NXPE2: variants seen among roughly 807,000 people sequenced by gnomAD.
NXPE2 encodes the protein neurexophilin and PC-esterase domain family member 2.
Under a neutral mutation model 34.4 loss-of-function variants are expected in NXPE2, and 34 were observed. That is an observed-to-expected ratio of 0.99 (90% CI 0.75 to 1.31). The LOEUF (loss-of-function observed/expected upper bound fraction) is 1.31. Ranked by LOEUF, NXPE2 falls within the 40% of genes most tolerant of loss-of-function variation. NXPE2 has a pLI of 0.00. For missense variants in NXPE2, 649 were observed against 672.5 expected (o/e 0.97, Z 0.39); for synonymous variants, 235 against 231.3 (o/e 1.02, Z -0.15).
chr11:114,612,693 C>A, the NXPE2 span, among the ~76,000 whole-genome samples: 1 of 150,758 alleles, frequency 6.6e-6, no homozygotes, highest in Admixed American at 6.6e-5. Context: ...TGGGTAACAA[C>A]TGTTGCCCTG....
At chr11:114,474,621 T>A in the NXPE2 span, among the ~76,000 whole-genome samples, 1 of 152,102 alleles carries the variant, frequency 6.6e-6, no homozygotes, top group Non-Finnish European at 1.5e-5. Context: ...CAAAGCCTGA[T>A]TGAAATGATT....
chr11:114,678,042 T>C (rs1422305538), upstream of NXPE2, among the ~76,000 whole-genome samples: 5 of 152,114 alleles, frequency 3.3e-5, no homozygotes, highest in African/African-American at 9.7e-5. Flanking sequence ...ATCATCGCTG[T>C]GGGACTGCTT....
the NXPE2 span, among the ~76,000 whole-genome samples, chr11:114,631,408 T>A: frequency 6.6e-6 from 1 of 150,996 alleles, no homozygotes; most frequent in Non-Finnish European, 1.5e-5. Flanking sequence ...TCATTCTCAG[T>A]AAACTATCGC....
At chr11:114,525,841 G>T in the NXPE2 span, among the ~76,000 whole-genome samples, 1 of 152,128 alleles carries the variant, frequency 6.6e-6, no homozygotes, top group African/African-American at 2.4e-5. Flanking sequence ...GTCTTTGTTC[G>T]GGGCTCAGCC....
the NXPE2 span, among the ~76,000 whole-genome samples, chr11:114,648,516 C>G: frequency 2.0e-5 from 3 of 152,080 alleles, no homozygotes; most frequent in African/African-American, 7.2e-5. Context: ...CTAATTTAAA[C>G]GTTAATCTAC....
chr11:114,537,182 G>C, the NXPE2 span, among the ~76,000 whole-genome samples: 27 of 152,122 alleles, frequency 1.8e-4, no homozygotes, highest in South Asian at 8.3e-4. Context: ...ACAAAAACCA[G>C]ATGATTATCT....
the NXPE2 span, among the ~76,000 whole-genome samples, chr11:114,600,321 G>A: frequency 6.6e-6 from 1 of 152,008 alleles, no homozygotes; most frequent in Admixed American, 6.6e-5. Flanking sequence ...TCATTTAAAA[G>A]TCAAAACAAT....
At chr11:114,731,257 T>G in the NXPE2 span, among the ~76,000 whole-genome samples, 1 of 152,178 alleles carries the variant, frequency 6.6e-6, no homozygotes, top group African/African-American at 2.4e-5. Context: ...AGAAACTGGG[T>G]TACTTATACA....
At chr11:114,663,007 A>G in the NXPE2 span, among the ~76,000 whole-genome samples, 1 of 152,166 alleles carries the variant, frequency 6.6e-6, no homozygotes, top group Non-Finnish European at 1.5e-5. Context: ...GAGGTCCCTG[A>G]TTCCAGCACT....
the NXPE2 span, among the ~76,000 whole-genome samples, chr11:114,642,482 T>C: frequency 6.6e-6 from 1 of 152,016 alleles, no homozygotes; most frequent in Non-Finnish European, 1.5e-5. Context: ...GTCCATGTGT[T>C]CTCATTGTTC....
the NXPE2 span, among the ~76,000 whole-genome samples, chr11:114,774,797 T>G: frequency 2.0e-5 from 3 of 152,194 alleles, no homozygotes; most frequent in Non-Finnish European, 2.9e-5. Flanking sequence ...AAGCCTGCGC[T>G]GCCAGTTGCA....
At chr11:114,524,192 G>A in the NXPE2 span, among the ~76,000 whole-genome samples, 3 of 152,186 alleles carry the variant, frequency 2.0e-5, no homozygotes, top group Admixed American at 2.0e-4. Flanking sequence ...TGACCTAGAA[G>A]TTTCCCACTT....
At chr11:114,538,669 A>G in the NXPE2 span, among the ~76,000 whole-genome samples, 1 of 152,232 alleles carries the variant, frequency 6.6e-6, no homozygotes, top group Non-Finnish European at 1.5e-5. Context: ...TGCAGCCAAA[A>G]AACACGTGAA....
At chr11:114,546,457 T>G in the NXPE2 span, among the ~76,000 whole-genome samples, 1 of 132,876 alleles carries the variant, frequency 7.5e-6, no homozygotes, top group East Asian at 2.2e-4. Flanking sequence ...TACATATATA[T>G]ATTTTTTCTT....
chr11:114,681,624 C>A (rs1423084693), intron 2 of NXPE2, among the ~76,000 whole-genome samples: 1 of 152,132 alleles, frequency 6.6e-6, no homozygotes, highest in East Asian at 1.9e-4. Flanking sequence ...CCACTCCCAC[C>A]TCTTAGCATT....
At chr11:114,759,730 T>C in the NXPE2 span, among the ~76,000 whole-genome samples, 2 of 152,222 alleles carry the variant, frequency 1.3e-5, no homozygotes, top group Non-Finnish European at 2.9e-5. Context: ...TTTTTATATT[T>C]TATGTAATTT....
At chr11:114,741,860 G>C in the NXPE2 span, among the ~76,000 whole-genome samples, 1 of 152,104 alleles carries the variant, frequency 6.6e-6, no homozygotes, top group African/African-American at 2.4e-5. Flanking sequence ...ATGATGTCCT[G>C]TTTTCTTGAA....
At chr11:114,534,650 G>A in the NXPE2 span, among the ~76,000 whole-genome samples, 14 of 152,354 alleles carry the variant, frequency 9.2e-5, no homozygotes, top group Admixed American at 9.1e-4. Flanking sequence ...ACAAGCTTCA[G>A]TAACCGATGT....
At chr11:114,636,606 A>G in the NXPE2 span, among the ~76,000 whole-genome samples, 4 of 152,070 alleles carry the variant, frequency 2.6e-5, no homozygotes, top group South Asian at 8.3e-4. Context: ...ATTTAGTGCT[A>G]TAAATTTCCC....
Sources: gnomAD v4.1 joint callset for allele counts (sites outside exome capture counted in the v4.1 genomes callset) on GRCh38, gnomAD v4.1.1 for gene constraint, MANE v1.5 for transcripts, NCBI Gene and HGNC (gene_info 2026-07-23, HGNC 2026-07-21) for gene names.